The following ATP9B variants were observed in gnomAD, a reference collection of about 807,000 sequenced individuals.
The protein encoded by ATP9B is ATPase phospholipid transporting 9B, also known as probable phospholipid-transporting ATPase IIB.
Under a neutral mutation model 146.1 loss-of-function variants are expected in ATP9B, and 110 were observed. That is an observed-to-expected ratio of 0.75 (90% confidence interval 0.65 to 0.88). The LOEUF (loss-of-function observed/expected upper bound fraction) is 0.88, where lower values mean the gene tolerates loss of function less well. Among genes scored for constraint, ATP9B ranks in the 40% least tolerant of loss-of-function variants. The pLI is 0.00. For missense variants in ATP9B, 1,499 were observed against 1,496.4 expected (o/e 1.00, Z -0.03); for synonymous variants, 604 against 569.7 (o/e 1.06, Z -0.86).
At chr18:79,193,333 A>G (rs2095387271) in intron 9 of ATP9B, 70 bp downstream of exon 9, 2 of 1,232,514 alleles carry the variant, frequency 1.6e-6, no homozygotes, top group African/African-American at 1.5e-5. Flanking sequence ...CCTTTGAGAC[A>G]GTAATTCAAT....
intron 1 of ATP9B, among the ~76,000 whole-genome samples, chr18:79,081,423 T>C (rs1438174618): frequency 6.6e-6 from 1 of 152,022 alleles, no homozygotes; most frequent in South Asian, 2.1e-4. Flanking sequence ...TATTCTCTGA[T>C]GGTAGTTTGT....
At chr18:79,349,483 A>G (rs987287287) in intron 25 of ATP9B, among the ~76,000 whole-genome samples, 4 of 152,198 alleles carry the variant, frequency 2.6e-5, no homozygotes, top group Admixed American at 6.5e-5. Flanking sequence ...ACCGTCACGC[A>G]GCCACTGAGC....
chr18:79,070,928 C>T (rs923990994), intron 1 of ATP9B, among the ~76,000 whole-genome samples: 1 of 151,394 alleles, frequency 6.6e-6, no homozygotes, highest in Admixed American at 6.6e-5. Flanking sequence ...CTATGCCATT[C>T]TCTTTTGATT....
intron 9 of ATP9B, among the ~76,000 whole-genome samples, chr18:79,200,223 CTG>C (rs1367353160): frequency 1.3e-5 from 2 of 152,164 alleles, no homozygotes; most frequent in Non-Finnish European, 2.9e-5. Context: ...TGCTTCATCT[CTG>C]TTATACTTTG....
At chr18:79,226,677 G>C (rs1233902937) in intron 11 of ATP9B, among the ~76,000 whole-genome samples, 1 of 152,164 alleles carries the variant, frequency 6.6e-6, no homozygotes, top group Non-Finnish European at 1.5e-5. Flanking sequence ...CAGTAGATGG[G>C]GGACAGCCTA....
chr18:79,117,015 G>A (rs1200157818), intron 4 of ATP9B, among the ~76,000 whole-genome samples: 3 of 146,140 alleles, frequency 2.1e-5, no homozygotes, highest in Admixed American at 6.8e-5. Context: ...TTAAAAAGTC[G>A]AATGTCTAAC....
At chr18:79,308,658 GGT>G (rs2096632521) in intron 15 of ATP9B, among the ~76,000 whole-genome samples, 1 of 116,236 alleles carries the variant, frequency 8.6e-6, no homozygotes, top group Non-Finnish European at 1.9e-5. Flanking sequence ...ATCCCCAGTA[GGT>G]AGAAGGTCAG....
chr18:79,292,625 A>C (rs559372813), intron 13 of ATP9B, among the ~76,000 whole-genome samples: 2 of 152,006 alleles, frequency 1.3e-5, no homozygotes, highest in Admixed American at 6.6e-5. Context: ...ACAATCTTGA[A>C]AAACAAACAA....
intron 2 of ATP9B, among the ~76,000 whole-genome samples, chr18:79,097,638 G>A (rs1297648006): frequency 7.2e-6 from 1 of 138,660 alleles, no homozygotes; most frequent in Non-Finnish European, 1.5e-5. Flanking sequence ...TGGTTTTTTT[G>A]TTCTTGCGAT....
At chr18:79,130,296 AAAAGT>A (rs1161412108) in intron 5 of ATP9B, among the ~76,000 whole-genome samples, 2 of 152,204 alleles carry the variant, frequency 1.3e-5, no homozygotes, top group Non-Finnish European at 2.9e-5. Context: ...TCTGGCACTG[AAAAGT>A]ATAGTAAGTG....
chr18:79,367,464 A>C (rs2097040412), intron 26 of ATP9B, among the ~76,000 whole-genome samples: 1 of 139,040 alleles, frequency 7.2e-6, no homozygotes, highest in Non-Finnish European at 1.5e-5. Flanking sequence ...CTCCTCAACC[A>C]GAGAGCACAC....
chr18:79,337,229 C>G, intron 18 of ATP9B, 50 bp from the exon 19 acceptor site: 1 of 1,602,120 alleles, frequency 6.2e-7, no homozygotes, highest in Non-Finnish European at 8.5e-7. Context: ...GTGGAGTCCA[C>G]ACACAGCACG....
At chr18:79,284,945 T>G (rs921370716) in intron 13 of ATP9B, among the ~76,000 whole-genome samples, 4 of 152,210 alleles carry the variant, frequency 2.6e-5, no homozygotes, top group Non-Finnish European at 4.4e-5. Flanking sequence ...ACAAAGGACA[T>G]GAACTCATCA....
At chr18:79,160,265 T>C (rs544290285) in intron 7 of ATP9B, among the ~76,000 whole-genome samples, 3 of 152,242 alleles carry the variant, frequency 2.0e-5, no homozygotes, top group African/African-American at 7.2e-5. Flanking sequence ...GTTGAATAAA[T>C]GCTCCTGGAA....
intron 11 of ATP9B, among the ~76,000 whole-genome samples, chr18:79,236,840 C>T (rs1252760060): frequency 1.5e-5 from 2 of 134,372 alleles, no homozygotes; most frequent in Non-Finnish European, 1.6e-5. Context: ...ACACCTGCCC[C>T]TTCCCCACTG....
chr18:79,101,626 T>A (rs916045804), intron 2 of ATP9B, among the ~76,000 whole-genome samples: 15 of 151,516 alleles, frequency 9.9e-5, no homozygotes, highest in Admixed American at 8.5e-4. Context: ...TTCCCAGAGT[T>A]GCTGTACCAT....
intron 7 of ATP9B, chr18:79,173,591 A>T: frequency 2.3e-6 from 1 of 430,158 alleles, no homozygotes; most frequent in Non-Finnish European, 4.6e-6. Context: ...CATTCTCCAT[A>T]AATTGCTTTT....
chr18:79,072,944 C>G (rs1274611993), intron 1 of ATP9B, among the ~76,000 whole-genome samples: 1 of 152,048 alleles, frequency 6.6e-6, no homozygotes, highest in African/African-American at 2.4e-5. Flanking sequence ...CTCGTCACAT[C>G]CCAGACGATG....
chr18:79,337,253 A>G lies in ATP9B; in HGVS notation c.2113-26A>G. 1.9e-6 allele frequency: 3 copies of G among 1,613,144 alleles called. No individual in the cohort carries two copies. The South Asian group carries it at 3.3e-5, about 18-fold the overall frequency. On this transcript the variant is annotated intron_variant, in intron 18 of 29. Transcript: ENST00000426216. ...ACACACAGCACGTACACGTGTGCAC[A>G]CAGGCGCCTCCCCCTCTGTCCCCAG...
Sources: allele counts gnomAD v4.1 joint callset (sites outside exome capture counted in the v4.1 genomes callset), GRCh38; gene constraint gnomAD v4.1.1; transcripts MANE v1.5; gene names NCBI Gene and HGNC (gene_info 2026-07-23, HGNC 2026-07-21).